GPAT4: variants seen among roughly 807,000 people sequenced by gnomAD.
GPAT4 encodes the protein 1-AGP acyltransferase 6.
A neutral mutation model predicts 58.0 loss-of-function variants in GPAT4; 17 were observed. The ratio of observed to expected loss-of-function variants is 0.29; its 90% CI spans 0.20 to 0.44. GPAT4 has a LOEUF of 0.44. GPAT4 is among the 20% of genes least tolerant of loss of function. The pLI is 1.00. For synonymous variants in GPAT4, 204 were observed against 210.1 expected, an observed-to-expected ratio of 0.97 and a Z score of 0.25; for missense variants, 377 against 574.5, an observed-to-expected ratio of 0.66 and a Z score of 3.51.
chr8:41,614,220 A>G (rs1803529441), intron 8 of GPAT4, among the ~76,000 whole-genome samples, 166 bp from the exon 9 acceptor site: 1 of 152,108 alleles, frequency 6.6e-6, no homozygotes, highest in South Asian at 2.1e-4. Context: ...ATCCATATAC[A>G]TTTTTTCTTG....
rs767667030 is a variant in GPAT4 at position 41,583,238 on chromosome 8, T to C, written c.-849+4960T>C. 2.9e-4 allele frequency among the ~76,000 whole-genome samples: 44 copies of C among 151,602 alleles called. 1 individual carries two copies. Among genetic ancestry groups the C allele is most frequent in the Admixed American group, 7.9e-4 (12 of 15,216 alleles). On this transcript the variant is annotated intron_variant, in intron 1 of 12. Coordinates refer to ENST00000396987, the MANE Select transcript of GPAT4 (RefSeq NM_178819.4). ...AGACTGTCTCAAAAAAAAAATAATA[T>C]ATATATATGTACAAGAAATTGGTAA...
At chr8:41,611,383 C>T (rs1446893875) in intron 5 of GPAT4, among the ~76,000 whole-genome samples, 1 of 152,206 alleles carries the variant, frequency 6.6e-6, no homozygotes, top group Non-Finnish European at 1.5e-5. Flanking sequence ...GAGTCCGAGA[C>T]TCAGATGTTA....
chr8:41,615,499 C>T (rs1205424253), intron 10 of GPAT4, among the ~76,000 whole-genome samples: 1 of 151,812 alleles, frequency 6.6e-6, no homozygotes. Context: ...AGCTTCACTG[C>T]TTTTAGTTGT....
At position 41,584,507 on chromosome 8, in the gene GPAT4, G is replaced by A. The variant is rs137978274; in HGVS notation, c.-849+6229G>A. ...GAGGAATAAACTGTTGACACATGCA[G>A]CAACATGGATGGTTCTCAGTATAAT... is the stretch of plus-strand genomic sequence containing the variant. On this transcript the variant is annotated intron_variant, in intron 1 of 12. Coordinates refer to ENST00000396987, the MANE Select transcript of GPAT4 (RefSeq NM_178819.4). 3.9e-3 allele frequency among the ~76,000 whole-genome samples: 599 copies of A among 152,260 alleles called. 2 individuals carry two copies. The highest frequency in any genetic ancestry group is 0.014 in the Middle Eastern group (4 of 294).
At position 41,588,784 on chromosome 8, in the gene GPAT4, A is replaced by G. The variant is rs375944595; in HGVS notation, c.-848-9508A>G. ...CCTAAAGGCCCAGATTTGCCATTCCATGGGTTGAAGAGTTAGGTTAGCTTA... is the reference window on the plus strand; with the variant it reads ...CCTAAAGGCCCAGATTTGCCATTCCGTGGGTTGAAGAGTTAGGTTAGCTTA... On this transcript the variant is annotated intron_variant, in intron 1 of 12. Coordinates refer to ENST00000396987, the MANE Select transcript of GPAT4 (RefSeq NM_178819.4). Among the ~76,000 whole-genome samples, 8 of 152,284 alleles carry G rather than the reference A, an allele frequency of 5.3e-5. No homozygotes were observed. The East Asian group carries it at 1.4e-3, about 26-fold the overall frequency.
chr8:41,608,462 A>G (rs2150499891), intron 2 of GPAT4, among the ~76,000 whole-genome samples: 1 of 152,344 alleles, frequency 6.6e-6, no homozygotes, highest in East Asian at 1.9e-4. Context: ...ACCATATCCA[A>G]GGGGGGATAA....
intron 1 of GPAT4, among the ~76,000 whole-genome samples, chr8:41,590,123 ACTT>A (rs1424669737): frequency 6.7e-6 from 1 of 149,888 alleles, no homozygotes; most frequent in Admixed American, 6.6e-5. Context: ...CTGGCTTGCT[ACTT>A]CTTTTTTTTT....
rs186156628 is a variant in GPAT4 at position 41,605,454 on chromosome 8, A to G, written c.166-3962A>G. Among the ~76,000 whole-genome samples, 600 of 152,372 alleles carry G rather than the reference A, an allele frequency of 3.9e-3. 2 individuals are homozygous for G. Among genetic ancestry groups the G allele is most frequent in the Middle Eastern group, 0.014 (4 of 294 alleles). On this transcript the variant is annotated intron_variant, in intron 2 of 12. Coordinates refer to ENST00000396987, the MANE Select transcript of GPAT4 (RefSeq NM_178819.4). ...AGGTAATATTGTTTAGAGATGGCAC[A>G]TAGTTCAGTAGAGCAAAAACACGGC...
intron 1 of GPAT4, among the ~76,000 whole-genome samples, chr8:41,583,418 T>TA (rs1802575991): frequency 6.6e-6 from 1 of 152,164 alleles, no homozygotes; most frequent in Non-Finnish European, 1.5e-5. Flanking sequence ...TTAGCTCCTA[T>TA]ATATTGACTT....
rs1475426009 is a variant in GPAT4 at position 41,615,067 on chromosome 8, T to A, written c.1053+19T>A. Reference sequence around the variant, plus strand: ...TATCAAGGTATAAGACCTCCGATGGTACACACTGTCATTACTGGAGCTGCT... The same window carrying A: ...TATCAAGGTATAAGACCTCCGATGGAACACACTGTCATTACTGGAGCTGCT... On this transcript the variant is annotated intron_variant, in intron 10 of 12. Transcript: ENST00000396987. 6.3e-7 allele frequency: 1 copy of A among 1,595,596 alleles called. No individual in the cohort carries two copies. The highest frequency in any genetic ancestry group is 1.3e-5 in the African/African-American group (1 of 74,454).
At position 41,611,927 on chromosome 8, in the gene GPAT4, T is replaced by C. The variant is rs200403959; in HGVS notation, c.636T>C (p.His212=). ...GGTTTAAGGAGTTCATGAGTAAACA[T>C]GTTCACTTAATGTGTTACCGGATCT... is the stretch of plus-strand genomic sequence containing the variant. The part of the protein sequence containing the change: ...NGRFKEFMSK[H]VHLMCYRICV... The change falls in exon 6 of 13, where the codon CAT becomes CAC. Residue 212 remains histidine (H), a synonymous_variant. Transcript: ENST00000396987. The C allele has an allele frequency of 8.1e-6, 13 of 1,614,200 alleles. No homozygotes were observed. The highest frequency in any genetic ancestry group is 6.7e-5 in the East Asian group (3 of 44,888).
chr8:41,583,114 T>C (rs1210411421), intron 1 of GPAT4, among the ~76,000 whole-genome samples: 2 of 151,750 alleles, frequency 1.3e-5, no homozygotes, highest in African/African-American at 4.8e-5. Context: ...TAATCCCAGG[T>C]ATGAGGGAGG....
intron 2 of GPAT4, among the ~76,000 whole-genome samples, chr8:41,603,538 A>AG (rs1354259744): frequency 6.6e-6 from 1 of 151,870 alleles, no homozygotes; most frequent in Non-Finnish European, 1.5e-5. Flanking sequence ...AAAAAAAAAA[A>AG]AAAAAAAAGT....
intron 12 of GPAT4, among the ~76,000 whole-genome samples, chr8:41,620,638 G>C (rs1803721475): frequency 6.6e-6 from 1 of 152,202 alleles, no homozygotes; most frequent in Non-Finnish European, 1.5e-5. Flanking sequence ...GTAGGTTTAA[G>C]CAGTTATCAA....
At chr8:41,590,623 G>A (rs377421286) in intron 1 of GPAT4, among the ~76,000 whole-genome samples, 3 of 152,202 alleles carry the variant, frequency 2.0e-5, no homozygotes, top group Admixed American at 6.5e-5. Flanking sequence ...GCTCCTTAGC[G>A]CAGTGCTGGG....
In GPAT4 at chr8:41,612,164, T is replaced by C; in HGVS notation, c.702-16T>C. 1.9e-6 allele frequency: 3 copies of C among 1,614,096 alleles called. No individual in the cohort carries two copies. The highest frequency in any genetic ancestry group is 4.5e-5 in the East Asian group (2 of 44,884). On this transcript the variant is annotated splice_polypyrimidine_tract_variant and intron_variant, in intron 6 of 12. Transcript: ENST00000396987. ...TCACACTAATTTTGGTTGCTTTGCA[T>C]ACATTTTAAACCCAGGGAAAACAGA...
At chr8:41,597,236 C>T (rs1251120330) in intron 1 of GPAT4, among the ~76,000 whole-genome samples, 1 of 152,100 alleles carries the variant, frequency 6.6e-6, no homozygotes, top group Non-Finnish European at 1.5e-5. Flanking sequence ...TAAAACATTG[C>T]GCAGATTTTA....
At chr8:41,608,219 T>C (rs1046174765) in intron 2 of GPAT4, among the ~76,000 whole-genome samples, 3 of 152,230 alleles carry the variant, frequency 2.0e-5, no homozygotes, top group African/African-American at 7.2e-5. Flanking sequence ...CTGATTAAAC[T>C]CGCGTGCAGC....
At chr8:41,616,901 C>T (rs546776858) in intron 10 of GPAT4, among the ~76,000 whole-genome samples, 10 of 152,232 alleles carry the variant, frequency 6.6e-5, no homozygotes, top group Admixed American at 1.3e-4. Context: ...ATATTTCCAC[C>T]GGAATCCAGC....
Sources: gnomAD v4.1 joint callset for allele counts (sites outside exome capture counted in the v4.1 genomes callset) on GRCh38, gnomAD v4.1.1 for gene constraint, MANE v1.5 for transcripts, NCBI Gene and HGNC (gene_info 2026-07-23, HGNC 2026-07-21) for gene names.